The following HTR3E variants were observed in gnomAD, a reference collection of about 807,000 sequenced individuals.
HTR3E encodes 5-hydroxytryptamine receptor 3E.
HTR3E carries 38 observed loss-of-function variants against 38.0 expected under a neutral mutation model. The observed-to-expected ratio is 1.00, with a 90% CI of 0.77 to 1.31. The LOEUF (loss-of-function observed/expected upper bound fraction) is 1.31. Among genes scored for constraint, HTR3E ranks in the 50% most tolerant of loss-of-function variants. The pLI, the probability that HTR3E is intolerant of heterozygous loss-of-function variation, is 0.00. For missense variants in HTR3E, 547 were observed against 585.2 expected, an observed-to-expected ratio of 0.93 and a Z score of 0.67; for synonymous variants, 210 against 232.9, an observed-to-expected ratio of 0.90 and a Z score of 0.89.
chr3:184,098,406 C>T (rs1711777703), intron 1 of HTR3E, among the ~76,000 whole-genome samples: 1 of 152,164 alleles, frequency 6.6e-6, no homozygotes, highest in South Asian at 2.1e-4. Context: ...TGTCATCTCT[C>T]CTCGTTAGAT....
chr3:184,103,906 C>T (rs12634774), intron 3 of HTR3E, among the ~76,000 whole-genome samples: 46,102 of 151,814 alleles, frequency 0.3, 8,123 homozygotes, highest in South Asian at 0.46. Flanking sequence ...TAACCTCACT[C>T]TCAAAGTGTG....
intron 1 of HTR3E, among the ~76,000 whole-genome samples, chr3:184,099,275 T>C (rs1192434829): frequency 6.6e-6 from 1 of 151,106 alleles, no homozygotes; most frequent in African/African-American, 2.4e-5. Context: ...GGGGAACGCC[T>C]GTAGTCACAG....
In HTR3E at chr3:184,106,133, T is replaced by C. The variant is rs547805585; in HGVS notation, c.931T>C (p.Tyr311His). The change falls in exon 8 of 9, where the codon TAC becomes CAC. Residue 311 changes from tyrosine to histidine, a missense_variant. Physicochemically the swap from Tyr to His is moderately conservative, Grantham distance 83 (BLOSUM62 2). Transcript: ENST00000415389. This position sits in a 1 kb window ranked among gnomAD's most constrained non-coding sequence, Gnocchi z 4.1. Reference protein sequence around the residue: ...PTSGTPLIGVYFALCLSLMVG... With the variant: ...PTSGTPLIGVHFALCLSLMVG... The stretch of plus-strand genomic sequence containing the variant: ...TAGGCCCCCCTTCCCTCCAGGTGTC[T>C]ACTTCGCCCTGTGCCTGTCCCTGAT... 1 of 1,613,386 alleles carries C rather than the reference T, an allele frequency of 6.2e-7. No individual in the cohort carries two copies. The highest frequency in any genetic ancestry group is 1.3e-5 in the African/African-American group (1 of 74,972).
At chr3:184,100,442 A>G in intron 1 of HTR3E, 43 bp from the exon 2 acceptor site, 2 of 1,614,140 alleles carry the variant, frequency 1.2e-6, no homozygotes, top group Non-Finnish European at 1.7e-6. Flanking sequence ...TAGGGAGCAC[A>G]GGGTTGCTCT....
At chr3:184,097,874 A>C (rs1711749771) in intron 1 of HTR3E, among the ~76,000 whole-genome samples, 1 of 152,182 alleles carries the variant, frequency 6.6e-6, no homozygotes, top group African/African-American at 2.4e-5. Context: ...ATGGATATCC[A>C]GTTTTCCCAA....
chr3:184,105,836 C>T lies in HTR3E; in HGVS notation c.792C>T (p.Ile264=), dbSNP rs756612747. Reference sequence around the variant, plus strand: ...TGCCCAGTGGCTTTCTGGTTGCCATCGATGCCCTCAGCTTCTACCTGCCAG... The same window carrying T: ...TGCCCAGTGGCTTTCTGGTTGCCATTGATGCCCTCAGCTTCTACCTGCCAG... ...LLVPSGFLVA[I]DALSFYLPVK... is the part of the protein sequence containing the mutation. The change falls in exon 7 of 9, where the codon ATC becomes ATT. Residue 264 remains isoleucine, a synonymous_variant. Coordinates refer to ENST00000415389, the MANE Select transcript of HTR3E (RefSeq NM_001256613.2). 12 of 1,614,030 alleles carry T rather than the reference C, an allele frequency of 7.4e-6. No individual in the cohort carries two copies. Among genetic ancestry groups the T allele is most frequent in the South Asian group, 3.3e-5 (3 of 91,078 alleles).
chr3:184,105,666 C>T, intron 6 of HTR3E, 99 bp from the exon 7 acceptor site: 4 of 1,114,084 alleles, frequency 3.6e-6, no homozygotes, highest in South Asian at 1.3e-5. Context: ...TGATATCAGG[C>T]CAAAGAAAAA....
At position 184,106,043 on chromosome 3, in the gene HTR3E, G is replaced by C; in HGVS notation, c.925+74G>C. The C allele has an allele frequency of 6.2e-7, 1 of 1,609,854 alleles. No individual in the cohort carries two copies. Among genetic ancestry groups the C allele is most frequent in the African/African-American group, 1.3e-5 (1 of 74,754 alleles). On this transcript the variant is annotated intron_variant, in intron 7 of 8. Transcript: ENST00000415389. The surrounding 1 kb of genome is among the most constrained non-coding windows in gnomAD (Gnocchi z 4.1). ...GAAGGGAGGTATTTTGGAAAAAGGA[G>C]GCCGTATGCCTGCCAGGGTGGGATT...
At chr3:184,102,440 G>A (rs1438780667) in intron 3 of HTR3E, among the ~76,000 whole-genome samples, 1 of 146,404 alleles carries the variant, frequency 6.8e-6, no homozygotes, top group African/African-American at 2.5e-5. Context: ...CTGTAGCCTG[G>A]GCAACAGAGT....
Position 184,104,737 on chromosome 3 carries a change from A to AAGAG in HTR3E, c.390-42_390-39dup, listed in dbSNP as rs772651609. On this transcript the variant is annotated intron_variant, in intron 4 of 8. Coordinates refer to ENST00000415389, the MANE Select transcript of HTR3E (RefSeq NM_001256613.2). Reference sequence around the variant, plus strand: ...GTCTCAAAAAAAAAAAAAAAAAAAAAAGAGAGAGAGAAACTGCAGCACCTG... The same window carrying AAGAG: ...GTCTCAAAAAAAAAAAAAAAAAAAAAAGAGAGAGAGAGAGAAACTGCAGCACCTG... 1.1e-5 allele frequency: 15 copies of AAGAG among 1,311,396 alleles called. No homozygotes were observed. The African/African-American group carries it at 2.1e-4, about 18-fold the overall frequency. 81.2% of individuals were successfully genotyped at this position (1,311,396 alleles called of 1,614,324 possible).
chr3:184,098,610 G>C (rs1711789114), intron 1 of HTR3E, among the ~76,000 whole-genome samples: 1 of 151,930 alleles, frequency 6.6e-6, no homozygotes, highest in African/African-American at 2.4e-5. Flanking sequence ...TTAAGAATTT[G>C]CTGGAAAGCA....
intron 2 of HTR3E, 54 bp downstream of exon 2, chr3:184,100,705 CT>C: frequency 3.8e-6 from 6 of 1,575,704 alleles, no homozygotes; most frequent in Non-Finnish European, 5.2e-6. Context: ...TTTCCAGCCC[CT>C]GGCAAAGTGG....
chr3:184,105,759 C>T lies in HTR3E; in HGVS notation c.721-6C>T, dbSNP rs758692013. 4 of 1,611,738 alleles carry T rather than the reference C, an allele frequency of 2.5e-6. No homozygotes were observed. In the South Asian group the frequency reaches 3.3e-5, roughly 13 times the overall value. The stretch of plus-strand genomic sequence containing the variant: ...AACTACTTACCACCCTCTCCTACCC[C>T]ACCAGGTGGCCATCAGGCGCAGGCC... On this transcript the variant is annotated splice_region_variant and splice_polypyrimidine_tract_variant and intron_variant, in intron 6 of 8. Transcript: ENST00000415389.
Position 184,097,388 on chromosome 3 carries a change from T to C in HTR3E, c.-142T>C, listed in dbSNP as rs1711717466. 3.2e-6 allele frequency: 2 copies of C among 634,214 alleles called. No homozygotes were observed. 39.3% of individuals were successfully genotyped at this position (634,214 alleles called of 1,614,324 possible). A position where few individuals can be genotyped will look rare whatever the true frequency, so the allele number is the denominator to read the frequency against. ...GGCAAGAACAAGACAACCAGAACACTCTTTGAAGGAAGGTTACAAATGTCA... is the reference window on the plus strand; with the variant it reads ...GGCAAGAACAAGACAACCAGAACACCCTTTGAAGGAAGGTTACAAATGTCA... On this transcript the variant is annotated 5_prime_UTR_variant, in exon 1 of 9. Coordinates refer to ENST00000415389, the MANE Select transcript of HTR3E (RefSeq NM_001256613.2).
intron 1 of HTR3E, among the ~76,000 whole-genome samples, chr3:184,099,437 G>A (rs970650825): frequency 2.2e-4 from 33 of 151,610 alleles, no homozygotes; most frequent in Non-Finnish European, 3.4e-4. Flanking sequence ...CAATTAGGCC[G>A]GGCACGGTGG....
chr3:184,103,340 C>T (rs1027467849), intron 3 of HTR3E, among the ~76,000 whole-genome samples: 2 of 151,806 alleles, frequency 1.3e-5, no homozygotes, highest in African/African-American at 2.4e-5. Context: ...AAAAATCAGC[C>T]GGGTGGTGGC....
chr3:184,099,961 C>G (rs533890457), intron 1 of HTR3E, among the ~76,000 whole-genome samples: 5 of 152,010 alleles, frequency 3.3e-5, no homozygotes, highest in Non-Finnish European at 5.9e-5. Flanking sequence ...TAGATTTGGG[C>G]ATGCTTTGCA....
At position 184,106,836 on chromosome 3, in the gene HTR3E, C is replaced by A; in HGVS notation, c.*143C>A. On this transcript the variant is annotated 3_prime_UTR_variant, in exon 9 of 9. Coordinates refer to ENST00000415389, the MANE Select transcript of HTR3E (RefSeq NM_001256613.2). This position sits in a 1 kb window ranked among gnomAD's most constrained non-coding sequence, Gnocchi z 4.1. Reference sequence around the variant, plus strand: ...TGTATTCCATGTATCCCAATCCGGTCCTGCTGATCAATTCCAATCCCAGAC... The same window carrying A: ...TGTATTCCATGTATCCCAATCCGGTACTGCTGATCAATTCCAATCCCAGAC... 2.4e-6 allele frequency: 2 copies of A among 838,502 alleles called. No individual in the cohort carries two copies. Among genetic ancestry groups the A allele is most frequent in the South Asian group, 1.8e-5 (1 of 56,936 alleles). The allele number at this position is 838,502 out of a possible 1,614,324, so 51.9% of individuals were successfully genotyped here.
At position 184,106,077 on chromosome 3, in the gene HTR3E, A is replaced by T. The variant is rs754745980; in HGVS notation, c.926-51A>T. The T allele has an allele frequency of 6.2e-7, 1 of 1,612,358 alleles. No individual in the cohort carries two copies. Among genetic ancestry groups the T allele is most frequent in the African/African-American group, 1.3e-5 (1 of 74,780 alleles). On this transcript the variant is annotated intron_variant, in intron 7 of 8. Coordinates refer to ENST00000415389, the MANE Select transcript of HTR3E (RefSeq NM_001256613.2). The surrounding 1 kb of genome is among the most constrained non-coding windows in gnomAD (Gnocchi z 4.1). ...CCTGCCAGGGTGGGATTGGAAGAGA[A>T]GAAATTCTAGGTGGTGCCTCTGGCC...
Sources: gnomAD v4.1 joint callset for allele counts (sites outside exome capture counted in the v4.1 genomes callset) on GRCh38, gnomAD v4.1.1 for gene constraint, Gnocchi (gnomAD v3.1) non-coding constraint, MANE v1.5 for transcripts, NCBI Gene and HGNC (gene_info 2026-07-23, HGNC 2026-07-21) for gene names.